The following CDC42SE2 variants were observed in gnomAD, a reference collection of about 807,000 sequenced individuals.
The protein encoded by CDC42SE2 is CDC42 small effector 2, also known as CDC42 small effector protein 2.
A neutral mutation model predicts 11.5 loss-of-function variants in CDC42SE2; 3 were observed. The ratio of observed to expected loss-of-function variants is 0.26; its 90% CI spans 0.12 to 0.67. CDC42SE2 has a LOEUF of 0.67. CDC42SE2 is among the 30% of genes least tolerant of loss of function. The pLI is 0.80. For missense variants in CDC42SE2, 82 were observed against 106.8 expected (o/e 0.77, Z 1.02); for synonymous variants, 33 against 34.8 (o/e 0.95, Z 0.18).
upstream of CDC42SE2, among the ~76,000 whole-genome samples, chr5:131,241,041 C>T (rs1293368280): frequency 4.6e-5 from 7 of 152,010 alleles, no homozygotes; most frequent in African/African-American, 7.2e-5. Context: ...TGCAGTGGCG[C>T]GATCTCGGCT....
chr5:131,223,220 G>A, the CDC42SE2 span, among the ~76,000 whole-genome samples: 1 of 152,082 alleles, frequency 6.6e-6, no homozygotes, highest in Non-Finnish European at 1.5e-5. Flanking sequence ...AGTCCCACCA[G>A]ACATTTTAAT....
At chr5:131,341,512 G>A (rs1346537804) in intron 2 of CDC42SE2, among the ~76,000 whole-genome samples, 2 of 152,168 alleles carry the variant, frequency 1.3e-5, no homozygotes, top group East Asian at 3.8e-4. Context: ...GAAGCCAGGG[G>A]AGTATGTGTA....
intron 1 of CDC42SE2, among the ~76,000 whole-genome samples, chr5:131,300,654 G>T (rs1757658939): frequency 6.6e-6 from 1 of 152,058 alleles, no homozygotes; most frequent in Admixed American, 6.6e-5. Flanking sequence ...GTGGTGGCGG[G>T]TGCCTGTAGT....
chr5:131,314,095 A>G (rs996747650), intron 1 of CDC42SE2, among the ~76,000 whole-genome samples: 1 of 152,218 alleles, frequency 6.6e-6, no homozygotes, highest in African/African-American at 2.4e-5. Flanking sequence ...ATTGGGGAGA[A>G]TTGACATGTT....
chr5:131,272,048 T>C (rs775046676), intron 1 of CDC42SE2, among the ~76,000 whole-genome samples: 1 of 152,172 alleles, frequency 6.6e-6, no homozygotes, highest in Non-Finnish European at 1.5e-5. Flanking sequence ...TCTCACTGTG[T>C]CACTCAGGCT....
Position 131,342,388 on chromosome 5 carries a change from C to CTTTTTTTTTTTTT in CDC42SE2, c.-285-16814_-285-16802dup, listed in dbSNP as rs35818778. 3.7e-3 allele frequency among the ~76,000 whole-genome samples: 416 copies of CTTTTTTTTTTTTT among 111,278 alleles called. 49 individuals carry two copies. Among genetic ancestry groups the CTTTTTTTTTTTTT allele is most frequent in the African/African-American group, 0.016 (351 of 22,548 alleles). The allele number at this position is 111,278 out of a possible 152,430, so 73.0% of individuals were successfully genotyped here. Reference sequence around the variant, plus strand: ...TCAGAGATTTGCCATTTTTAATAGTCTTTTTTTTTTTTTTTTTTTAAGATA... The same window carrying CTTTTTTTTTTTTT: ...TCAGAGATTTGCCATTTTTAATAGTCTTTTTTTTTTTTTTTTTTTTTTTTTTTTTTTTAAGATA... On this transcript the variant is annotated intron_variant, in intron 2 of 4. Coordinates refer to ENST00000505065, the MANE Select transcript of CDC42SE2 (RefSeq NM_001375635.1).
intron 1 of CDC42SE2, among the ~76,000 whole-genome samples, chr5:131,312,305 A>G (rs1042311324): frequency 2.0e-5 from 3 of 152,066 alleles, no homozygotes; most frequent in Non-Finnish European, 4.4e-5. Flanking sequence ...GCCCGTTCTC[A>G]GGTCTCCAGC....
chr5:131,272,547 C>T (rs1024943133), intron 1 of CDC42SE2, among the ~76,000 whole-genome samples: 6 of 152,150 alleles, frequency 3.9e-5, no homozygotes, highest in Admixed American at 1.3e-4. Context: ...GGTCTCCACT[C>T]GTGCTCCTTT....
upstream of CDC42SE2, chr5:131,261,214 T>C (rs571264149): frequency 6.6e-6 from 1 of 152,344 alleles, no homozygotes; most frequent in Non-Finnish European, 1.5e-5. Context: ...TCACTGTATA[T>C]TATGTGAATA....
chr5:131,230,819 C>T, the CDC42SE2 span, among the ~76,000 whole-genome samples: 1 of 152,144 alleles, frequency 6.6e-6, no homozygotes, highest in East Asian at 1.9e-4. Flanking sequence ...TTTTCTGCAC[C>T]TATTGAGACG....
intron 1 of CDC42SE2, among the ~76,000 whole-genome samples, chr5:131,272,940 A>G (rs777993628): frequency 1.3e-5 from 2 of 152,118 alleles, no homozygotes; most frequent in Non-Finnish European, 1.5e-5. Context: ...TGATAACATC[A>G]TGTTTGAAAT....
In CDC42SE2 at chr5:131,304,640, C is replaced by A. The variant is rs899527871; in HGVS notation, c.-454-11336C>A. Among the ~76,000 whole-genome samples the A allele has an allele frequency of 2.0e-5, 3 of 152,326 alleles. No individual in the cohort carries two copies. In the South Asian group the frequency reaches 6.2e-4, roughly 32 times the overall value. ...ATAATTGAATTAACAATGTTGAAATCCACCACATTTCCTTTTTCCCATGCC... is the reference window on the plus strand; with the variant it reads ...ATAATTGAATTAACAATGTTGAAATACACCACATTTCCTTTTTCCCATGCC... On this transcript the variant is annotated intron_variant, in intron 1 of 4. Transcript: ENST00000505065.
chr5:131,244,012 T>G (rs576517322), upstream of CDC42SE2, among the ~76,000 whole-genome samples: 218 of 152,316 alleles, frequency 1.4e-3, no homozygotes, highest in African/African-American at 5.0e-3. Flanking sequence ...GGAAAAACTT[T>G]GACCATGCAA....
At chr5:131,336,629 T>G (rs1450009764) in intron 2 of CDC42SE2, among the ~76,000 whole-genome samples, 7 of 152,226 alleles carry the variant, frequency 4.6e-5, no homozygotes, top group Non-Finnish European at 1.0e-4. Context: ...ATATTTGGTC[T>G]TTTCACATAG....
chr5:131,338,274 C>G (rs550387871), intron 2 of CDC42SE2, among the ~76,000 whole-genome samples: 3 of 152,314 alleles, frequency 2.0e-5, no homozygotes, highest in Non-Finnish European at 2.9e-5. Flanking sequence ...CCAAACCCTT[C>G]GTAGCATGTC....
In CDC42SE2 at chr5:131,339,871, T is replaced by A. The variant is rs74809209; in HGVS notation, c.-285-19338T>A. 1.5e-4 allele frequency among the ~76,000 whole-genome samples: 22 copies of A among 149,750 alleles called. No homozygotes were observed. The East Asian group carries it at 4.3e-3, about 29-fold the overall frequency. On this transcript the variant is annotated intron_variant, in intron 2 of 4. Coordinates refer to ENST00000505065, the MANE Select transcript of CDC42SE2 (RefSeq NM_001375635.1). Reference sequence around the variant, plus strand: ...GAACTAAAAGAGTCATGGAGAAAATTAATAGGTGGGTTAAATAGCAGAATA... The same window carrying A: ...GAACTAAAAGAGTCATGGAGAAAATAAATAGGTGGGTTAAATAGCAGAATA...
At chr5:131,278,096 G>A (rs565198479) in intron 1 of CDC42SE2, among the ~76,000 whole-genome samples, 1 of 152,072 alleles carries the variant, frequency 6.6e-6, no homozygotes, top group Admixed American at 6.6e-5. Context: ...ATCAATTCTT[G>A]TGCCTCAGCC....
At chr5:131,357,029 G>A (rs1168180954) in intron 2 of CDC42SE2, among the ~76,000 whole-genome samples, 1 of 152,126 alleles carries the variant, frequency 6.6e-6, no homozygotes, top group African/African-American at 2.4e-5. Context: ...GTATATTTAA[G>A]CCTTTTCTCT....
intron 2 of CDC42SE2, among the ~76,000 whole-genome samples, chr5:131,352,691 T>C (rs1401353747): frequency 1.3e-5 from 2 of 152,188 alleles, no homozygotes; most frequent in African/African-American, 4.8e-5. Context: ...AAAACGGTGT[T>C]GTACCACACG....
Sources: allele counts gnomAD v4.1 joint callset (sites outside exome capture counted in the v4.1 genomes callset), GRCh38; gene constraint gnomAD v4.1.1; transcripts MANE v1.5; gene names NCBI Gene and HGNC (gene_info 2026-07-23, HGNC 2026-07-21).